CACNA1A: variants seen among roughly 807,000 people sequenced by gnomAD.
CACNA1A encodes the protein calcium voltage-gated channel subunit alpha1 A, also known as voltage-dependent P/Q-type calcium channel subunit alpha-1A.
CACNA1A carries 57 observed loss-of-function variants against 262.4 expected under a neutral mutation model. That is an observed-to-expected ratio of 0.22 (90% CI 0.18 to 0.27). The LOEUF (loss-of-function observed/expected upper bound fraction) is 0.27. Among genes scored for constraint, CACNA1A ranks in the 10% least tolerant of loss-of-function variants. The pLI is 1.00. For synonymous variants in CACNA1A, 1,431 were observed against 1,419.3 expected, an observed-to-expected ratio of 1.01 and a Z score of -0.18; for missense variants, 2,526 against 3,562.8, an observed-to-expected ratio of 0.71 and a Z score of 7.41.
intron 3 of CACNA1A, among the ~76,000 whole-genome samples, chr19:13,426,500 T>C (rs911631130): frequency 2.0e-5 from 3 of 152,028 alleles, no homozygotes; most frequent in Admixed American, 2.0e-4. Flanking sequence ...CGGCCAAGAA[T>C]TACCTAGCCC....
In CACNA1A at chr19:13,298,760, T is replaced by C. The variant is rs763711221; in HGVS notation, c.2873A>G (p.His958Arg). Residue 958 changes from histidine to arginine, a missense_variant, in exon 19 of 47, where the codon CAT becomes CGT. Around this residue, in one of 17 missense-constraint regions of CACNA1A, gnomAD observed 765 missense variants for 748.6 expected, o/e 1.02. Coordinates refer to ENST00000360228, the MANE Select transcript of CACNA1A (RefSeq NM_001127222.2). ...RTGADGEHRR[H>R]RAHRRPGEEG... is the part of the protein sequence containing the mutation. ...CTCCCCGGGCCTGCGGTGCGCGCGA[T>C]GACGTCGATGCTCCCCGTCCGCGCC... The C allele has an allele frequency of 2.6e-6, 4 of 1,515,404 alleles. No homozygotes were observed. Among genetic ancestry groups the C allele is most frequent in the South Asian group, 1.2e-5 (1 of 81,248 alleles). 93.9% of individuals were successfully genotyped at this position (1,515,404 alleles called of 1,614,324 possible). A position where few individuals can be genotyped will look rare whatever the true frequency, so the allele number is the denominator to read the frequency against.
intron 1 of CACNA1A, among the ~76,000 whole-genome samples, chr19:13,470,509 C>T (rs1757307881): frequency 6.6e-6 from 1 of 152,226 alleles, no homozygotes; most frequent in South Asian, 2.1e-4. Flanking sequence ...AAATGTTGGT[C>T]TTCCCTGGGG....
In CACNA1A at chr19:13,212,889, G is replaced by A. The variant is rs1341537048; in HGVS notation, c.5941-149C>T. The A allele has an allele frequency of 8.7e-6, 4 of 458,970 alleles. No homozygotes were observed. Among genetic ancestry groups the A allele is most frequent in the Non-Finnish European group, 1.1e-5 (3 of 261,580 alleles). The allele number at this position is 458,970 out of a possible 1,614,324, so 28.4% of individuals were successfully genotyped here. A position where few individuals can be genotyped will look rare whatever the true frequency, so the allele number is the denominator to read the frequency against. On this transcript the variant is annotated intron_variant, in intron 40 of 46. Coordinates refer to ENST00000360228, the MANE Select transcript of CACNA1A (RefSeq NM_001127222.2). This position sits in a 1 kb window ranked among gnomAD's most constrained non-coding sequence, Gnocchi z 5.6. ...TCCATCTAGACCCTTCCAATTCCAC[G>A]CAGAACTGGACCACTTCTCACTCCT...
At chr19:13,209,256 C>CT in intron 45 of CACNA1A, 56 bp downstream of exon 45, 1 of 1,432,140 alleles carries the variant, frequency 7.0e-7, no homozygotes, top group Non-Finnish European at 9.2e-7. Flanking sequence ...CCTGCCTTCT[C>CT]CTCCCCTCTC....
At chr19:13,265,598 C>G (rs923449754) in intron 24 of CACNA1A, among the ~76,000 whole-genome samples, 2 of 152,138 alleles carry the variant, frequency 1.3e-5, no homozygotes, top group Non-Finnish European at 1.5e-5. Context: ...TAATTTTAGG[C>G]AGAACAGGGG....
At chr19:13,490,705 G>GAA (rs1980692951) in intron 1 of CACNA1A, among the ~76,000 whole-genome samples, 1 of 22,720 alleles carries the variant, frequency 4.4e-5, no homozygotes, top group African/African-American at 1.4e-4. Context: ...AAGAAAGAAA[G>GAA]AAAGAAAGAA....
At chr19:13,302,909 C>T (rs1329287402) in intron 17 of CACNA1A, among the ~76,000 whole-genome samples, 1 of 152,212 alleles carries the variant, frequency 6.6e-6, no homozygotes, top group Non-Finnish European at 1.5e-5. Flanking sequence ...GGAGGTGGGG[C>T]TGCAATGCTG....
chr19:13,304,132 G>A (rs1342398387), intron 15 of CACNA1A, among the ~76,000 whole-genome samples: 1 of 152,062 alleles, frequency 6.6e-6, no homozygotes, highest in African/African-American at 2.4e-5. Flanking sequence ...TGGGACCCTG[G>A]AGGAGTCACA....
chr19:13,371,641 C>T lies in CACNA1A; in HGVS notation c.631+47G>A, dbSNP rs1333778504. ...TCTGCATAGGGGAAACTGAGGGCTC[C>T]TGGGGCCCGTGAGCAAACCCCTTGT... is the stretch of plus-strand genomic sequence containing the variant. On this transcript the variant is annotated intron_variant, in intron 4 of 46. Transcript: ENST00000360228. 2.1e-6 allele frequency: 3 copies of T among 1,406,876 alleles called. No individual in the cohort carries two copies. In the Admixed American group the frequency reaches 5.9e-5, roughly 28 times the overall value. 87.1% of individuals were successfully genotyped at this position (1,406,876 alleles called of 1,614,324 possible).
At chr19:13,406,812 C>T in intron 3 of CACNA1A, among the ~76,000 whole-genome samples, 1 of 151,848 alleles carries the variant, frequency 6.6e-6, no homozygotes, top group East Asian at 1.9e-4. Context: ...TGTCTAAATC[C>T]TTCCATGGCT....
chr19:13,283,498 A>G (rs1021273810), intron 21 of CACNA1A, 102 bp from the exon 22 acceptor site: 1 of 1,443,582 alleles, frequency 6.9e-7, no homozygotes. Context: ...GAGATCTCCA[A>G]CCCCCAAGGC....
chr19:13,309,482 C>A (rs999992404), intron 12 of CACNA1A, among the ~76,000 whole-genome samples: 4 of 150,028 alleles, frequency 2.7e-5, no homozygotes, highest in Admixed American at 1.3e-4. Flanking sequence ...CACTTGAGCC[C>A]AGGAGTTCAA....
At position 13,236,206 on chromosome 19, in the gene CACNA1A, C is replaced by T. The variant is rs1230373622; in HGVS notation, c.4951-476G>A. ...CTATCATACGTGTACGATGCACAAA[C>T]ACCAGGGCGGGGGTGGGGGTGGAGG... On this transcript the variant is annotated intron_variant, in intron 31 of 46. Transcript: ENST00000360228. The surrounding 1 kb of genome is among the most constrained non-coding windows in gnomAD (Gnocchi z 4.6). Among the ~76,000 whole-genome samples the T allele has an allele frequency of 6.8e-6, 1 of 147,844 alleles. No individual in the cohort carries two copies. The highest frequency in any genetic ancestry group is 1.5e-5 in the Non-Finnish European group (1 of 67,270).
intron 10 of CACNA1A, among the ~76,000 whole-genome samples, chr19:13,328,202 G>A (rs990333695): frequency 2.0e-5 from 3 of 152,284 alleles, no homozygotes; most frequent in Non-Finnish European, 4.4e-5. Flanking sequence ...ACTGTACCTC[G>A]TCATAAAACA....
chr19:13,246,986 T>A (rs537697853), intron 30 of CACNA1A, among the ~76,000 whole-genome samples: 1 of 152,202 alleles, frequency 6.6e-6, no homozygotes, highest in South Asian at 2.1e-4. Flanking sequence ...CAGCCTCAAG[T>A]CCCACAAGGT....
intron 10 of CACNA1A, among the ~76,000 whole-genome samples, chr19:13,329,486 CTTTTTTTTTT>C (rs35821858): frequency 8.1e-6 from 1 of 123,860 alleles, no homozygotes; most frequent in African/African-American, 3.2e-5. Context: ...TGGTTTGTGT[CTTTTTTTTTT>C]TTTTTTTTTT....
At chr19:13,465,229 C>G (rs1315745803) in intron 1 of CACNA1A, among the ~76,000 whole-genome samples, 1 of 152,128 alleles carries the variant, frequency 6.6e-6, no homozygotes, top group East Asian at 1.9e-4. Context: ...CCGCGTCCAG[C>G]CTTAGTTCCT....
chr19:13,463,116 G>A (rs1270654323), intron 1 of CACNA1A, among the ~76,000 whole-genome samples: 1 of 151,084 alleles, frequency 6.6e-6, no homozygotes, highest in Non-Finnish European at 1.5e-5. Context: ...AGCTATCCTG[G>A]TTAGAAGATA....
At chr19:13,448,244 A>C (rs2060853018) in intron 3 of CACNA1A, among the ~76,000 whole-genome samples, 1 of 152,202 alleles carries the variant, frequency 6.6e-6, no homozygotes, top group Non-Finnish European at 1.5e-5. Context: ...TCCTTAGCAA[A>C]CTAATGCAGA....
Sources: gnomAD v4.1 joint callset for allele counts (sites outside exome capture counted in the v4.1 genomes callset) on GRCh38, gnomAD v4.1.1 for gene constraint, gnomAD v4.1.1 regional missense constraint, Gnocchi (gnomAD v3.1) non-coding constraint, MANE v1.5 for transcripts, NCBI Gene and HGNC (gene_info 2026-07-23, HGNC 2026-07-21) for gene names.